CC2D2B: variants seen among roughly 807,000 people sequenced by gnomAD.
The protein encoded by CC2D2B is protein CC2D2B.
A neutral mutation model predicts 161.2 loss-of-function variants in CC2D2B; 128 were observed. That is an observed-to-expected ratio of 0.79 (90% CI 0.69 to 0.92). The LOEUF (loss-of-function observed/expected upper bound fraction) is 0.92, where lower values mean the gene tolerates loss of function less well. Ranked by LOEUF, CC2D2B falls within the 40% of genes least tolerant of loss-of-function variation. CC2D2B has a pLI of 0.00. For missense variants in CC2D2B, 1,173 were observed against 1,375.1 expected, an observed-to-expected ratio of 0.85 and a Z score of 2.32; for synonymous variants, 391 against 449.8, an observed-to-expected ratio of 0.87 and a Z score of 1.65.
At position 95,995,332 on chromosome 10, in the gene CC2D2B, C is replaced by G; in HGVS notation, c.2706C>G (p.Ile902Met). ...SISCLRHRET[I>M]KSVASDETLH... The stretch of plus-strand genomic sequence containing the variant: ...CTTGCCTCAGACATAGAGAAACAAT[C>G]AAATCAGTAGCCTCAGATGAGACCT... Residue 902 changes from isoleucine to methionine, a missense_variant, in exon 23 of 35, where the codon ATC (isoleucine) becomes ATG (methionine). Physicochemically the swap from Ile to Met is conservative, Grantham distance 10. This residue lies in a region of CC2D2B where 598 missense variants were observed against 693.2 expected (regional missense o/e 0.86). Coordinates refer to ENST00000646931, the MANE Select transcript of CC2D2B (RefSeq NM_001349008.3). 1.3e-6 allele frequency: 2 copies of G among 1,530,200 alleles called. No homozygotes were observed. Among genetic ancestry groups the G allele is most frequent in the Non-Finnish European group, 8.7e-7 (1 of 1,143,090 alleles). 94.8% of individuals were successfully genotyped at this position (1,530,200 alleles called of 1,614,324 possible). A position where few individuals can be genotyped will look rare whatever the true frequency, so the allele number is the denominator to read the frequency against.
At chr10:95,983,107 T>C (rs181872437) in intron 18 of CC2D2B, among the ~76,000 whole-genome samples, 60 of 152,334 alleles carry the variant, frequency 3.9e-4, no homozygotes, top group African/African-American at 1.3e-3. Flanking sequence ...TTATTTTTCC[T>C]TGTGGAACTA....
intron 33 of CC2D2B, among the ~76,000 whole-genome samples, chr10:96,025,154 A>AAATAT (rs1491259451): frequency 1.5e-4 from 3 of 20,102 alleles, no homozygotes; most frequent in East Asian, 7.2e-3. Context: ...ACTAAAAAAA[A>AAATAT]ATATATATAT....
At chr10:95,949,607 T>C (rs2076331939) in intron 9 of CC2D2B, among the ~76,000 whole-genome samples, 1 of 137,126 alleles carries the variant, frequency 7.3e-6, no homozygotes, top group South Asian at 2.5e-4. Context: ...TGTATACATA[T>C]GTAACTAACC....
At position 95,974,061 on chromosome 10, in the gene CC2D2B, AT is replaced by A; in HGVS notation, c.1849del (p.Ser617GlnfsTer12). The A allele has an allele frequency of 8.1e-7, 1 of 1,231,414 alleles. No individual in the cohort carries two copies. Among genetic ancestry groups the A allele is most frequent in the East Asian group, 3.2e-5 (1 of 31,696 alleles). 76.3% of individuals were successfully genotyped at this position (1,231,414 alleles called of 1,614,324 possible). A position where few individuals can be genotyped will look rare whatever the true frequency, so the allele number is the denominator to read the frequency against. On this transcript the variant is annotated frameshift_variant, in exon 17 of 35. Transcript: ENST00000646931. LOFTEE classifies it high-confidence loss of function. ...GAACTGAAGAACTCTGTCTTTTGAC[AT>A]CAGGAAAACTTAGCTATTCTCTATC... The part of the protein sequence containing the change: ...NGTEELCLLT[S>X]GKLSYSLSWS...
chr10:96,022,321 A>C (rs2079503810), intron 32 of CC2D2B, among the ~76,000 whole-genome samples: 1 of 150,720 alleles, frequency 6.6e-6, no homozygotes, highest in South Asian at 2.1e-4. Context: ...GACTCTGTCA[A>C]AGAAAAAAAA....
chr10:95,975,846 G>A (rs1049080666), intron 17 of CC2D2B, among the ~76,000 whole-genome samples: 1 of 152,144 alleles, frequency 6.6e-6, no homozygotes, highest in African/African-American at 2.4e-5. Context: ...AATTCATTTT[G>A]GAGCCAGTGG....
At chr10:96,003,021 A>ATATATATATATATATATATAT (rs2078571748) in intron 24 of CC2D2B, among the ~76,000 whole-genome samples, 1 of 140,708 alleles carries the variant, frequency 7.1e-6, no homozygotes, top group Non-Finnish European at 1.5e-5. Flanking sequence ...AAAATAAATA[A>ATATATATATATATATATATAT]ATATATATAT....
intron 19 of CC2D2B, among the ~76,000 whole-genome samples, chr10:95,984,907 G>T (rs2077661076): frequency 6.6e-6 from 1 of 151,696 alleles, no homozygotes; most frequent in Admixed American, 6.6e-5. Context: ...ACATACACAT[G>T]TGTGTGTATA....
At chr10:95,976,815 C>T (rs1247641584) in intron 17 of CC2D2B, among the ~76,000 whole-genome samples, 8 of 152,220 alleles carry the variant, frequency 5.3e-5, no homozygotes, top group African/African-American at 1.9e-4. Flanking sequence ...ATGGTGCAAT[C>T]TCGGCTCACT....
intron 33 of CC2D2B, among the ~76,000 whole-genome samples, chr10:96,025,153 AAATATATATAT>A (rs1564683450): frequency 8.5e-5 from 2 of 23,404 alleles, no homozygotes; most frequent in African/African-American, 3.9e-4. Context: ...TACTAAAAAA[AAATATATATAT>A]ATATATATAT....
chr10:96,024,245 ATGTGTGTG>A (rs34536704), intron 32 of CC2D2B, among the ~76,000 whole-genome samples: 2 of 149,824 alleles, frequency 1.3e-5, no homozygotes, highest in Non-Finnish European at 1.5e-5. Flanking sequence ...GTGTATGTGC[ATGTGTGTG>A]TGTGTGTGTG....
chr10:95,929,160 G>A (rs1306591920), intron 6 of CC2D2B, among the ~76,000 whole-genome samples: 40 of 152,242 alleles, frequency 2.6e-4, no homozygotes. Context: ...GTGATGGTGA[G>A]CTTTTTTTTC....
At chr10:96,026,100 TG>T (rs1482663418) in intron 33 of CC2D2B, among the ~76,000 whole-genome samples, 1 of 152,220 alleles carries the variant, frequency 6.6e-6, no homozygotes, top group African/African-American at 2.4e-5. Flanking sequence ...CAGGTGATTC[TG>T]ATGCATAGCC....
At chr10:96,019,425 T>C (rs925636912) in intron 31 of CC2D2B, 88 bp downstream of exon 31, 1 of 1,272,770 alleles carries the variant, frequency 7.9e-7, no homozygotes, top group Non-Finnish European at 1.1e-6. Context: ...ACTTTAAATA[T>C]AGATAGTCTA....
intron 20 of CC2D2B, among the ~76,000 whole-genome samples, chr10:95,989,857 C>T (rs997156304): frequency 1.3e-5 from 2 of 152,110 alleles, no homozygotes; most frequent in Non-Finnish European, 2.9e-5. Context: ...ATCAAAGATA[C>T]TGGAAAAGTT....
intron 26 of CC2D2B, among the ~76,000 whole-genome samples, chr10:96,011,231 C>G (rs6584046): frequency 0.61 from 93,439 of 152,004 alleles, 28,925 homozygotes; most frequent in East Asian, 0.83. Flanking sequence ...AATAGGAATA[C>G]ACATTGTTGG....
chr10:95,999,091 A>C (rs893148098), intron 24 of CC2D2B, among the ~76,000 whole-genome samples: 1 of 152,212 alleles, frequency 6.6e-6, no homozygotes, highest in Non-Finnish European at 1.5e-5. Flanking sequence ...AAAGAAAAAA[A>C]CAAAAAACAA....
intron 24 of CC2D2B, among the ~76,000 whole-genome samples, chr10:95,997,668 A>G (rs1011925701): frequency 2.6e-5 from 4 of 152,192 alleles, no homozygotes; most frequent in Non-Finnish European, 5.9e-5. Context: ...GATTACAGGC[A>G]TGAGCCACCA....
chr10:95,981,063 G>A (rs2077499541), intron 17 of CC2D2B, among the ~76,000 whole-genome samples: 1 of 152,096 alleles, frequency 6.6e-6, no homozygotes, highest in South Asian at 2.1e-4. Context: ...GAATATATTA[G>A]GAGTCTAGCC....
Sources: allele counts gnomAD v4.1 joint callset (sites outside exome capture counted in the v4.1 genomes callset), GRCh38; gene constraint gnomAD v4.1.1; regional missense constraint gnomAD v4.1.1; transcripts MANE v1.5; gene names NCBI Gene and HGNC (gene_info 2026-07-23, HGNC 2026-07-21).